Variants in CDC37 observed in about 807,000 individuals in gnomAD.
The protein encoded by CDC37 is cell division cycle 37, HSP90 cochaperone.
CDC37 carries 9 observed loss-of-function variants against 46.9 expected under a neutral mutation model. The observed-to-expected ratio is 0.19, with a 90% CI of 0.12 to 0.33. The LOEUF (loss-of-function observed/expected upper bound fraction) is 0.33. Among genes scored for constraint, CDC37 ranks in the 10% least tolerant of loss-of-function variants. CDC37 has a pLI of 1.00. For missense variants in CDC37, 388 were observed against 514.6 expected (o/e 0.75, Z 2.38); for synonymous variants, 193 against 191.0 (o/e 1.01, Z -0.09).
intron 1 of CDC37, among the ~76,000 whole-genome samples, chr19:10,401,153 C>G (rs189536094): frequency 2.1e-4 from 32 of 152,330 alleles, no homozygotes; most frequent in Admixed American, 1.5e-3. Context: ...CTGACCCAGT[C>G]TTAATTCATT....
Position 10,393,488 on chromosome 19 carries a change from AG to A in CDC37, c.727-48del. The stretch of plus-strand genomic sequence containing the variant: ...CACTGGACCTGGCCCAACGCTCAGG[AG>A]GGACTGGGGGGCCCAGGACCCTCCA... On this transcript the variant is annotated intron_variant, in intron 5 of 7. Coordinates refer to ENST00000222005, the MANE Select transcript of CDC37 (RefSeq NM_007065.4). This position sits in a 1 kb window ranked among gnomAD's most constrained non-coding sequence, Gnocchi z 4.9. The A allele has an allele frequency of 1.3e-6, 2 of 1,566,074 alleles. No homozygotes were observed. The highest frequency in any genetic ancestry group is 1.7e-6 in the Non-Finnish European group (2 of 1,156,182).
rs774144522 is a variant in CDC37 at position 10,391,725 on chromosome 19, C to G, written c.982-19G>C. 8 of 1,607,818 alleles carry G rather than the reference C, an allele frequency of 5.0e-6. 1 individual carries two copies. Among genetic ancestry groups the G allele is most frequent in the Admixed American group, 3.4e-5 (2 of 59,590 alleles). ...TTGCGTCCTGTGAGGAGAAGGCAGGCAGATGAGGTGGGGCCGCCAGCCGGT... is the reference window on the plus strand; with the variant it reads ...TTGCGTCCTGTGAGGAGAAGGCAGGGAGATGAGGTGGGGCCGCCAGCCGGT... On this transcript the variant is annotated intron_variant, in intron 7 of 7. Transcript: ENST00000222005.
In CDC37 at chr19:10,396,309, C is replaced by T; in HGVS notation, c.103-106G>A. On this transcript the variant is annotated intron_variant, in intron 1 of 7. Coordinates refer to ENST00000222005, the MANE Select transcript of CDC37 (RefSeq NM_007065.4). The surrounding 1 kb of genome is among the most constrained non-coding windows in gnomAD (Gnocchi z 5.9). ...ATGGCCCCAGGAAAAAGTACGCGTC[C>T]ACCTCCCGTGCCCTGGTCTCCCAGC... is the stretch of plus-strand genomic sequence containing the variant. 1 of 1,307,548 alleles carries T rather than the reference C, an allele frequency of 7.6e-7. No homozygotes were observed. The highest frequency in any genetic ancestry group is 1.0e-6 in the Non-Finnish European group (1 of 952,724). The allele number at this position is 1,307,548 out of a possible 1,614,324, so 81.0% of individuals were successfully genotyped here.
At position 10,398,600 on chromosome 19, in the gene CDC37, G is replaced by A. The variant is rs2042503288; in HGVS notation, c.103-2397C>T. Among the ~76,000 whole-genome samples the A allele has an allele frequency of 6.6e-6, 1 of 152,254 alleles. No homozygotes were observed. Among genetic ancestry groups the A allele is most frequent in the South Asian group, 2.1e-4 (1 of 4,834 alleles). ...AGCTCATATTGGAAGAAACTAAGGA[G>A]ATGATTAGAGTAAAATGTCCCGAGC... On this transcript the variant is annotated intron_variant, in intron 1 of 7. Transcript: ENST00000222005. This position sits in a 1 kb window ranked among gnomAD's most constrained non-coding sequence, Gnocchi z 4.2.
intron 2 of CDC37, 33 bp downstream of exon 2, chr19:10,395,895 A>T: frequency 6.2e-7 from 1 of 1,600,784 alleles, no homozygotes. Flanking sequence ...CTGGCTGCGC[A>T]TGCGCACTGC....
At chr19:10,397,415 CTTTTTTTTTTTTT>C (rs933052804) in intron 1 of CDC37, among the ~76,000 whole-genome samples, 4 of 86,844 alleles carry the variant, frequency 4.6e-5, no homozygotes, top group Non-Finnish European at 6.4e-5. Context: ...CCAAGCCTGG[CTTTTTTTTTTTTT>C]TTTTTTTTTT....
chr19:10,393,163 G>A lies in CDC37; in HGVS notation c.910-6C>T, dbSNP rs1736863337. On this transcript the variant is annotated splice_region_variant and splice_polypyrimidine_tract_variant and intron_variant, in intron 6 of 7. Transcript: ENST00000222005. This position sits in a 1 kb window ranked among gnomAD's most constrained non-coding sequence, Gnocchi z 4.9. ...TCGAAGCACTTCTGGAGTTCCTGGG[G>A]GTACAGAGGGGCTGGGGTCAGGGGC... is the stretch of plus-strand genomic sequence containing the variant. 1 of 1,613,746 alleles carries A rather than the reference G, an allele frequency of 6.2e-7. No individual in the cohort carries two copies. The highest frequency in any genetic ancestry group is 1.7e-5 in the Admixed American group (1 of 59,994).
Position 10,396,609 on chromosome 19 carries a change from G to A in CDC37, c.103-406C>T, listed in dbSNP as rs533189048. On this transcript the variant is annotated intron_variant, in intron 1 of 7. Transcript: ENST00000222005. The surrounding 1 kb of genome is among the most constrained non-coding windows in gnomAD (Gnocchi z 5.9). ...ACAAAAAACAGGGTCTCACTCTGTCGTCCAGGTCAGAGTGCAGTGGCCCAA... is the reference window on the plus strand; with the variant it reads ...ACAAAAAACAGGGTCTCACTCTGTCATCCAGGTCAGAGTGCAGTGGCCCAA... 1.3e-5 allele frequency among the ~76,000 whole-genome samples: 2 copies of A among 152,180 alleles called. No homozygotes were observed. The highest frequency in any genetic ancestry group is 4.1e-4 in the South Asian group (2 of 4,824).
intron 1 of CDC37, among the ~76,000 whole-genome samples, chr19:10,399,942 A>AAAAAAAAAAAAAAAAAAAAAC (rs2042510268): frequency 6.8e-6 from 1 of 146,794 alleles, no homozygotes; most frequent in Non-Finnish European, 1.5e-5. Context: ...AAAAAAAAAA[A>AAAAAAAAAAAAAAAAAAAAAC]AAAAAAAAAA....
At chr19:10,392,281 A>G (rs1317503844) in intron 7 of CDC37, among the ~76,000 whole-genome samples, 1 of 152,168 alleles carries the variant, frequency 6.6e-6, no homozygotes, top group Non-Finnish European at 1.5e-5. Context: ...GATGATAGGG[A>G]AACAATTGAG....
chr19:10,397,179 C>T (rs1029839120), intron 1 of CDC37, among the ~76,000 whole-genome samples: 6 of 152,142 alleles, frequency 3.9e-5, no homozygotes, highest in South Asian at 2.1e-4. Flanking sequence ...GGAACGTGTT[C>T]GCCATTTTGT....
At chr19:10,399,936 A>AAAAAAAAAAAAAAAAG (rs2042510207) in intron 1 of CDC37, among the ~76,000 whole-genome samples, 1 of 143,536 alleles carries the variant, frequency 7.0e-6, no homozygotes, top group Non-Finnish European at 1.5e-5. Context: ...CGTCTTAAAA[A>AAAAAAAAAAAAAAAAG]AAAAAAAAAA....
chr19:10,392,920 T>G, intron 7 of CDC37, 166 bp downstream of exon 7: 1 of 631,066 alleles, frequency 1.6e-6, no homozygotes, highest in South Asian at 1.8e-5. Flanking sequence ...TGGGATACAG[T>G]AGGTGCTCAA....
At chr19:10,401,243 C>T (rs2042516800) in intron 1 of CDC37, among the ~76,000 whole-genome samples, 1 of 152,140 alleles carries the variant, frequency 6.6e-6, no homozygotes, top group Non-Finnish European at 1.5e-5. Context: ...TGAGTCTTGC[C>T]ACATCAAAGA....
In CDC37 at chr19:10,398,069, C is replaced by T. The variant is rs945976456; in HGVS notation, c.103-1866G>A. Among the ~76,000 whole-genome samples, 1 of 152,160 alleles carries T rather than the reference C, an allele frequency of 6.6e-6. No individual in the cohort carries two copies. Among genetic ancestry groups the T allele is most frequent in the East Asian group, 1.9e-4 (1 of 5,190 alleles). Reference sequence around the variant, plus strand: ...CTAATCAAACCCTGAAACCCTGAAACGTGCCACCACCTTCAATTGCTGACC... The same window carrying T: ...CTAATCAAACCCTGAAACCCTGAAATGTGCCACCACCTTCAATTGCTGACC... On this transcript the variant is annotated intron_variant, in intron 1 of 7. Coordinates refer to ENST00000222005, the MANE Select transcript of CDC37 (RefSeq NM_007065.4). The surrounding 1 kb of genome is among the most constrained non-coding windows in gnomAD (Gnocchi z 4.2).
Position 10,391,571 on chromosome 19 carries a change from C to T in CDC37, c.1117G>A (p.Glu373Lys). The T allele has an allele frequency of 6.2e-7, 1 of 1,614,250 alleles. No homozygotes were observed. Among genetic ancestry groups the T allele is most frequent in the Non-Finnish European group, 8.5e-7 (1 of 1,180,046 alleles). Reference sequence around the variant, plus strand: ...GCAGGTCACACACTGACATCCTTCTCATCGCCCGTCTTGGGAACAGCTTCC... The same window carrying T: ...GCAGGTCACACACTGACATCCTTCTTATCGCCCGTCTTGGGAACAGCTTCC... ...LLEAVPKTGD[E>K]KDVSV is the part of the protein sequence containing the mutation. Residue 373 changes from glutamate to lysine, a missense_variant, in exon 8 of 8, where the codon GAG (glutamate) becomes AAG (lysine). Coordinates refer to ENST00000222005, the MANE Select transcript of CDC37 (RefSeq NM_007065.4).
rs750715507 is a variant in CDC37 at position 10,403,384 on chromosome 19, C to T, written c.96G>A (p.Arg32=). The change falls in exon 1 of 8, where the codon CGG becomes CGA. Residue 32 remains arginine, a synonymous_variant. Coordinates refer to ENST00000222005, the MANE Select transcript of CDC37 (RefSeq NM_007065.4). The stretch of plus-strand genomic sequence containing the variant: ...ATGGGCGCGCGCGCCTTACCTGATG[C>T]CGCCAGCGGAAGAGACTGGCCGTGT... The part of the protein sequence containing the change: ...NIDTASLFRW[R]HQARVERMEQ... 5 of 1,611,418 alleles carry T rather than the reference C, an allele frequency of 3.1e-6. No individual in the cohort carries two copies. Among genetic ancestry groups the T allele is most frequent in the South Asian group, 2.2e-5 (2 of 90,942 alleles).
intron 5 of CDC37, among the ~76,000 whole-genome samples, chr19:10,394,543 T>A (rs1036762255): frequency 6.6e-6 from 1 of 151,996 alleles, no homozygotes; most frequent in African/African-American, 2.4e-5. Context: ...TTTATTTATT[T>A]ATTTATTTTT....
chr19:10,399,827 G>A (rs2042509205), intron 1 of CDC37, among the ~76,000 whole-genome samples: 2 of 151,096 alleles, frequency 1.3e-5, no homozygotes, highest in African/African-American at 2.4e-5. Flanking sequence ...AGCTACTCGG[G>A]AGGCTGAGGC....
Sources: gnomAD v4.1 joint callset for allele counts (sites outside exome capture counted in the v4.1 genomes callset) on GRCh38, gnomAD v4.1.1 for gene constraint, Gnocchi (gnomAD v3.1) non-coding constraint, MANE v1.5 for transcripts, NCBI Gene and HGNC (gene_info 2026-07-23, HGNC 2026-07-21) for gene names.